Variants in SLC9A9 observed in about 807,000 individuals in gnomAD.
The protein encoded by SLC9A9 is sodium/hydrogen exchanger 9.
In SLC9A9, 62 loss-of-function variants were observed where a neutral mutation model predicts 77.8. The ratio of observed to expected loss-of-function variants is 0.80; its 90% CI spans 0.65 to 0.98. The LOEUF (loss-of-function observed/expected upper bound fraction) is 0.98, where lower values mean the gene tolerates loss of function less well. SLC9A9 is among the 50% of genes least tolerant of loss of function. The pLI, the probability that SLC9A9 is intolerant of heterozygous loss-of-function variation, is 0.00. For synonymous variants in SLC9A9, 320 were observed against 283.5 expected, an observed-to-expected ratio of 1.13 and a Z score of -1.29; for missense variants, 775 against 774.9, an observed-to-expected ratio of 1.00 and a Z score of 0.00.
intron 5 of SLC9A9, among the ~76,000 whole-genome samples, chr3:143,676,099 T>C (rs921715809): frequency 4.6e-5 from 7 of 152,158 alleles, no homozygotes. Flanking sequence ...ATCCCTCGCA[T>C]GCGCAGTTCA....
intron 10 of SLC9A9, among the ~76,000 whole-genome samples, chr3:143,493,994 T>A (rs2035792584): frequency 1.3e-5 from 2 of 152,190 alleles, no homozygotes; most frequent in African/African-American, 4.8e-5. Flanking sequence ...GCTTTAAAAT[T>A]GTTAGCCCAA....
intron 4 of SLC9A9, among the ~76,000 whole-genome samples, chr3:143,743,590 T>C (rs1935136165): frequency 6.6e-6 from 1 of 152,090 alleles, no homozygotes; most frequent in Non-Finnish European, 1.5e-5. Context: ...TTTTTGGTTT[T>C]TGGTTCTATC....
At chr3:143,565,598 G>A (rs1231149234) in intron 8 of SLC9A9, among the ~76,000 whole-genome samples, 2 of 152,150 alleles carry the variant, frequency 1.3e-5, no homozygotes, top group South Asian at 2.1e-4. Flanking sequence ...TGTTTATTGA[G>A]ATGGCATCAT....
intron 12 of SLC9A9, among the ~76,000 whole-genome samples, chr3:143,402,844 T>A (rs948874227): frequency 1.1e-4 from 16 of 147,928 alleles, no homozygotes; most frequent in African/African-American, 3.7e-4. Context: ...ATGTTATTGA[T>A]ATAGTTGGAT....
intron 5 of SLC9A9, among the ~76,000 whole-genome samples, chr3:143,689,044 C>T (rs1933367565): frequency 6.6e-6 from 1 of 151,874 alleles, no homozygotes; most frequent in South Asian, 2.1e-4. Flanking sequence ...AGTACTAAGC[C>T]ATGCTATAGG....
Position 143,382,127 on chromosome 3 carries a change from A to G in SLC9A9, c.1470-13T>C, listed in dbSNP as rs1160652767. ...GTCCACGCCAACTCTGTTAAACAAA[A>G]CCAAAAACTGGTCAATCCCCTGCTG... On this transcript the variant is annotated splice_polypyrimidine_tract_variant and intron_variant, in intron 12 of 15. Transcript: ENST00000316549. The G allele has an allele frequency of 1.9e-6, 3 of 1,614,016 alleles. No individual in the cohort carries two copies. Among genetic ancestry groups the G allele is most frequent in the African/African-American group, 2.7e-5 (2 of 74,944 alleles).
chr3:143,497,865 T>C (rs907936883), intron 9 of SLC9A9, among the ~76,000 whole-genome samples: 1 of 152,208 alleles, frequency 6.6e-6, no homozygotes, highest in Admixed American at 6.5e-5. Context: ...TAAGAAAGTC[T>C]GTTACCTTTG....
At chr3:143,397,556 A>C (rs796605911) in intron 12 of SLC9A9, among the ~76,000 whole-genome samples, 4 of 152,332 alleles carry the variant, frequency 2.6e-5, no homozygotes, top group African/African-American at 9.6e-5. Context: ...GTTATTTCAC[A>C]GTTAAATAAA....
intron 2 of SLC9A9, among the ~76,000 whole-genome samples, chr3:143,803,226 CA>C (rs2008616115): frequency 6.6e-6 from 1 of 152,190 alleles, no homozygotes; most frequent in Non-Finnish European, 1.5e-5. Context: ...CTGGAAGTCA[CA>C]AGTACTCTCC....
intron 14 of SLC9A9, among the ~76,000 whole-genome samples, chr3:143,289,508 C>T (rs1157974085): frequency 6.6e-6 from 1 of 152,098 alleles, no homozygotes; most frequent in African/African-American, 2.4e-5. Flanking sequence ...TCTGTTTCTC[C>T]CTCTCATGCC....
chr3:143,331,815 A>G (rs1203898295), intron 14 of SLC9A9, among the ~76,000 whole-genome samples: 9 of 152,206 alleles, frequency 5.9e-5, no homozygotes, highest in Admixed American at 1.3e-4. Context: ...AGAGTAAATT[A>G]CCATATGGTG....
At chr3:143,317,621 T>C (rs542835538) in intron 14 of SLC9A9, among the ~76,000 whole-genome samples, 116 of 152,278 alleles carry the variant, frequency 7.6e-4, no homozygotes, top group African/African-American at 2.7e-3. Context: ...TTCTTTCTTT[T>C]AAAGAAAGCA....
At chr3:143,297,951 T>A (rs374403078) in intron 14 of SLC9A9, among the ~76,000 whole-genome samples, 1 of 152,160 alleles carries the variant, frequency 6.6e-6, no homozygotes, top group African/African-American at 2.4e-5. Context: ...AACCGTTGGG[T>A]TGGATGCAGG....
At chr3:143,396,690 A>G (rs1022366621) in intron 12 of SLC9A9, among the ~76,000 whole-genome samples, 5 of 152,166 alleles carry the variant, frequency 3.3e-5, no homozygotes, top group Admixed American at 6.5e-5. Context: ...AGTGGTATTA[A>G]TAGATATTGT....
At chr3:143,739,683 G>T (rs980906202) in intron 4 of SLC9A9, among the ~76,000 whole-genome samples, 2 of 152,146 alleles carry the variant, frequency 1.3e-5, no homozygotes, top group African/African-American at 4.8e-5. Context: ...TTCAGGCAAT[G>T]ATATTTTCTA....
At chr3:143,749,323 T>A (rs1043651818) in intron 4 of SLC9A9, among the ~76,000 whole-genome samples, 1 of 152,146 alleles carries the variant, frequency 6.6e-6, no homozygotes, top group African/African-American at 2.4e-5. Context: ...GAAAAATGTA[T>A]CCATGGTTAA....
At chr3:143,427,908 C>T (rs2108533369) in intron 12 of SLC9A9, among the ~76,000 whole-genome samples, 1 of 152,290 alleles carries the variant, frequency 6.6e-6, no homozygotes, top group East Asian at 1.9e-4. Context: ...AAACTGGACT[C>T]CTGTCTCTCA....
intron 5 of SLC9A9, among the ~76,000 whole-genome samples, chr3:143,653,215 G>T (rs1371636350): frequency 1.3e-5 from 2 of 152,156 alleles, no homozygotes; most frequent in Non-Finnish European, 2.9e-5. Flanking sequence ...CTGGTTGCCT[G>T]CTGCATGGCC....
intron 2 of SLC9A9, among the ~76,000 whole-genome samples, chr3:143,825,214 G>A (rs1477956935): frequency 6.6e-6 from 1 of 152,180 alleles, no homozygotes; most frequent in Non-Finnish European, 1.5e-5. Flanking sequence ...AGTGTTAACT[G>A]TACATATTTA....
Sources: gnomAD v4.1 joint callset for allele counts (sites outside exome capture counted in the v4.1 genomes callset) on GRCh38, gnomAD v4.1.1 for gene constraint, MANE v1.5 for transcripts, NCBI Gene and HGNC (gene_info 2026-07-23, HGNC 2026-07-21) for gene names.